KIF16B: variants seen among roughly 807,000 people sequenced by gnomAD.
The protein encoded by KIF16B is kinesin-like protein KIF16B.
Under a neutral mutation model 156.3 loss-of-function variants are expected in KIF16B, and 98 were observed. The observed-to-expected ratio is 0.63, with a 90% CI of 0.53 to 0.74. KIF16B has a LOEUF of 0.74. KIF16B is among the 30% of genes least tolerant of loss of function. The probability of loss-of-function intolerance (pLI) is 0.00; values close to 1 mark genes in which losing one functional copy is unlikely to be tolerated. For synonymous variants in KIF16B, 564 were observed against 583.7 expected, an observed-to-expected ratio of 0.97 and a Z score of 0.49; for missense variants, 1,421 against 1,606.5, an observed-to-expected ratio of 0.88 and a Z score of 1.97.
intron 4 of KIF16B, 141 bp from the exon 5 acceptor site, chr20:16,513,064 C>T: frequency 3.3e-6 from 2 of 605,816 alleles, no homozygotes; most frequent in Non-Finnish European, 3.0e-6. Context: ...GCCATATACC[C>T]CCTCCAGGGC....
chr20:16,330,792 T>C (rs2063934626), intron 24 of KIF16B, among the ~76,000 whole-genome samples: 1 of 152,222 alleles, frequency 6.6e-6, no homozygotes, highest in Non-Finnish European at 1.5e-5. Flanking sequence ...GTGAGATGAC[T>C]GGTAACTCAG....
chr20:16,429,016 A>G lies in KIF16B; in HGVS notation c.1423-12T>C. The G allele has an allele frequency of 6.2e-7, 1 of 1,609,776 alleles. No homozygotes were observed. Among genetic ancestry groups the G allele is most frequent in the South Asian group, 1.1e-5 (1 of 90,960 alleles). ...TATGTCTGACCTTCCTGGGAAGAAAACCCAAGCAAAATGTATTAGTAAGAA... is the reference window on the plus strand; with the variant it reads ...TATGTCTGACCTTCCTGGGAAGAAAGCCCAAGCAAAATGTATTAGTAAGAA... On this transcript the variant is annotated splice_polypyrimidine_tract_variant and intron_variant, in intron 13 of 25. Coordinates refer to ENST00000354981, the MANE Select transcript of KIF16B (RefSeq NM_024704.5).
At chr20:16,434,893 G>A (rs1050048903) in intron 12 of KIF16B, among the ~76,000 whole-genome samples, 3 of 152,146 alleles carry the variant, frequency 2.0e-5, no homozygotes, top group Non-Finnish European at 4.4e-5. Flanking sequence ...CACAGCAGAT[G>A]TCTGGGGGCT....
At chr20:16,430,820 G>A (rs550389444) in intron 12 of KIF16B, among the ~76,000 whole-genome samples, 29 of 148,606 alleles carry the variant, frequency 2.0e-4, no homozygotes, top group African/African-American at 6.4e-4. Context: ...AATGTATACC[G>A]CATATATGAG....
intron 20 of KIF16B, among the ~76,000 whole-genome samples, chr20:16,372,145 A>G (rs1190376137): frequency 6.6e-6 from 1 of 152,196 alleles, no homozygotes; most frequent in East Asian, 1.9e-4. Flanking sequence ...TGGGTTCCTC[A>G]TACAGAAAAG....
chr20:16,368,456 C>T (rs1010418755), intron 22 of KIF16B: 11 of 986,288 alleles, frequency 1.1e-5, no homozygotes, highest in Middle Eastern at 1.0e-3. Flanking sequence ...AGGCTTCTGA[C>T]GAATGTTGTT....
At chr20:16,399,650 A>C (rs1322568019) in intron 17 of KIF16B, among the ~76,000 whole-genome samples, 1 of 152,232 alleles carries the variant, frequency 6.6e-6, no homozygotes, top group African/African-American at 2.4e-5. Context: ...TGACGGAGTC[A>C]TAGTCACTTA....
At chr20:16,513,329 T>C (rs16997790) in intron 4 of KIF16B, among the ~76,000 whole-genome samples, 36,211 of 151,992 alleles carry the variant, frequency 0.24, 4,944 homozygotes, top group East Asian at 0.36. Flanking sequence ...CGGTAGTTAA[T>C]AATTGCCTTA....
intron 11 of KIF16B, among the ~76,000 whole-genome samples, chr20:16,496,488 C>G (rs2068455451): frequency 6.6e-6 from 1 of 152,160 alleles, no homozygotes; most frequent in African/African-American, 2.4e-5. Flanking sequence ...ACAGTGGGAT[C>G]AGGTGATGAG....
chr20:16,400,408 G>T (rs2065619667), intron 17 of KIF16B, among the ~76,000 whole-genome samples: 1 of 152,208 alleles, frequency 6.6e-6, no homozygotes, highest in Non-Finnish European at 1.5e-5. Context: ...TGCCCTGTTG[G>T]TGGGAATGCA....
chr20:16,512,021 C>T (rs546368227), intron 5 of KIF16B, among the ~76,000 whole-genome samples: 130 of 152,172 alleles, frequency 8.5e-4, no homozygotes, highest in South Asian at 2.3e-3. Flanking sequence ...GTAGCGGACA[C>T]CTGTAATCCC....
chr20:16,284,103 C>T (rs994061917), intron 25 of KIF16B, among the ~76,000 whole-genome samples: 3 of 152,248 alleles, frequency 2.0e-5, no homozygotes, highest in East Asian at 1.9e-4. Context: ...AGAGGGCTCG[C>T]ATGCTTGATC....
intron 23 of KIF16B, among the ~76,000 whole-genome samples, chr20:16,352,092 T>A (rs1323429572): frequency 6.6e-6 from 1 of 152,188 alleles, no homozygotes; most frequent in Non-Finnish European, 1.5e-5. Flanking sequence ...AGAGGGCAGA[T>A]CAGTGCTTGC....
At chr20:16,441,814 C>T (rs896560786) in intron 12 of KIF16B, among the ~76,000 whole-genome samples, 3 of 152,150 alleles carry the variant, frequency 2.0e-5, no homozygotes, top group Admixed American at 6.6e-5. Context: ...CAACACCTAA[C>T]GACCATCTGC....
chr20:16,521,704 C>T (rs1319526191), intron 3 of KIF16B, among the ~76,000 whole-genome samples: 1 of 152,044 alleles, frequency 6.6e-6, no homozygotes, highest in Non-Finnish European at 1.5e-5. Context: ...GAGCAAAACC[C>T]AAGACACATA....
chr20:16,285,799 G>C (rs1345415579), intron 25 of KIF16B, among the ~76,000 whole-genome samples: 3 of 152,102 alleles, frequency 2.0e-5, no homozygotes, highest in Admixed American at 6.6e-5. Flanking sequence ...GTCTGGGTGA[G>C]AGTGAGACCC....
intron 17 of KIF16B, chr20:16,382,020 A>G (rs748423497): frequency 4.7e-5 from 48 of 1,030,454 alleles, no homozygotes; most frequent in Non-Finnish European, 6.0e-5. Flanking sequence ...GCAGAGTTAA[A>G]CAAGACTTCT....
chr20:16,543,957 C>T (rs1185511747), intron 1 of KIF16B, among the ~76,000 whole-genome samples: 1 of 152,216 alleles, frequency 6.6e-6, no homozygotes, highest in East Asian at 1.9e-4. Context: ...GAGAGCAAAG[C>T]TGGCACTCCT....
At chr20:16,519,480 C>T (rs2069256737) in intron 3 of KIF16B, among the ~76,000 whole-genome samples, 1 of 152,182 alleles carries the variant, frequency 6.6e-6, no homozygotes, top group African/African-American at 2.4e-5. Context: ...CCAACTTTAA[C>T]ATTTACATTG....
Sources: gnomAD v4.1 joint callset for allele counts (sites outside exome capture counted in the v4.1 genomes callset) on GRCh38, gnomAD v4.1.1 for gene constraint, MANE v1.5 for transcripts, NCBI Gene and HGNC (gene_info 2026-07-23, HGNC 2026-07-21) for gene names.